The following VSX2 variants were observed in gnomAD, a reference collection of about 807,000 sequenced individuals.
VSX2 encodes ceh-10 homeo domain containing homolog.
VSX2 carries 28 observed loss-of-function variants against 32.1 expected under a neutral mutation model. That is an observed-to-expected ratio of 0.87 (90% confidence interval 0.65 to 1.20). The LOEUF (loss-of-function observed/expected upper bound fraction) is 1.20. Among genes scored for constraint, VSX2 ranks in the 50% most tolerant of loss-of-function variants. The probability of loss-of-function intolerance (pLI) is 0.00; values close to 1 mark genes in which losing one functional copy is unlikely to be tolerated. For missense variants in VSX2, 506 were observed against 488.7 expected, an observed-to-expected ratio of 1.04 and a Z score of -0.33; for synonymous variants, 243 against 214.1, an observed-to-expected ratio of 1.14 and a Z score of -1.18.
rs182972044 is a variant in VSX2 at position 74,245,288 on chromosome 14, G to A, written c.579G>A (p.Gln193=). Reference sequence around the variant, plus strand: ...CGGAGCTGCCGGAAGACAGGATACAGGTAACAGCCCTGAGCCCCTCTCCCC... The same window carrying A: ...CGGAGCTGCCGGAAGACAGGATACAAGTAACAGCCCTGAGCCCCTCTCCCC... ...MKTELPEDRI[Q]VWFQNRRAKW... is the part of the protein sequence containing the mutation. The change falls in exon 3 of 5, where the codon CAG becomes CAA. Residue 193 remains glutamine, a splice_region_variant and synonymous_variant. Coordinates refer to ENST00000261980, the MANE Select transcript of VSX2 (RefSeq NM_182894.3). 2.9e-4 allele frequency: 469 copies of A among 1,613,470 alleles called. 2 individuals carry two copies. In the East Asian group the frequency reaches 9.5e-3, roughly 33 times the overall value.
intron 3 of VSX2, among the ~76,000 whole-genome samples, chr14:74,257,656 C>T (rs1237504183): frequency 2.0e-5 from 3 of 151,660 alleles, no homozygotes; most frequent in African/African-American, 7.3e-5. Flanking sequence ...CGCCGCCGGG[C>T]GCTCACTTCG....
rs1289509531 is a variant in VSX2 at position 74,239,667 on chromosome 14, G to C, written c.106G>C (p.Glu36Gln). 1.9e-6 allele frequency: 3 copies of C among 1,550,484 alleles called. No homozygotes were observed. Among genetic ancestry groups the C allele is most frequent in the Non-Finnish European group, 2.6e-6 (3 of 1,146,934 alleles). Residue 36 changes from glutamate (E) to glutamine (Q), a missense_variant, in exon 1 of 5, where the codon GAG (glutamate) becomes CAG (glutamine). By Grantham distance (29) the Glu-to-Gln change is conservative (BLOSUM62 2). Transcript: ENST00000261980. ...CAGGTGCACTGGGTTCGGCATCCAGGAGATCCTGGGCTTGAACAAGGAGCC... is the reference window on the plus strand; with the variant it reads ...CAGGTGCACTGGGTTCGGCATCCAGCAGATCCTGGGCTTGAACAAGGAGCC... Reference protein sequence around the residue: ...PARCTGFGIQEILGLNKEPPS... With the variant: ...PARCTGFGIQQILGLNKEPPS...
chr14:74,249,959 T>C (rs1366167178), intron 3 of VSX2, among the ~76,000 whole-genome samples: 1 of 151,978 alleles, frequency 6.6e-6, no homozygotes, highest in Non-Finnish European at 1.5e-5. Flanking sequence ...CTTAAATAAA[T>C]AAATAAATAA....
At position 74,244,965 on chromosome 14, in the gene VSX2, T is replaced by C. The variant is rs1362878801; in HGVS notation, c.456-200T>C. 2.9e-5 allele frequency among the ~76,000 whole-genome samples: 3 copies of C among 102,150 alleles called. 1 individual carries two copies. The highest frequency in any genetic ancestry group is 5.9e-5 in the Non-Finnish European group (3 of 50,618). 67.0% of individuals were successfully genotyped at this position (102,150 alleles called of 152,430 possible). ...GAGAAAGTGTGTGTGTGTGTGTGTG[T>C]GTGTGTGTGTGTGTGTGAGAGAGAG... On this transcript the variant is annotated intron_variant, in intron 2 of 4. Coordinates refer to ENST00000261980, the MANE Select transcript of VSX2 (RefSeq NM_182894.3).
chr14:74,250,983 G>A (rs746497954), intron 3 of VSX2, among the ~76,000 whole-genome samples: 4 of 150,466 alleles, frequency 2.7e-5, no homozygotes, highest in Admixed American at 2.7e-4. Flanking sequence ...GCGCTCCCCC[G>A]GCCAACACCC....
intron 4 of VSX2, 105 bp from the exon 5 acceptor site, chr14:74,260,489 T>C: frequency 8.4e-7 from 1 of 1,192,672 alleles, no homozygotes; most frequent in Non-Finnish European, 1.2e-6. Flanking sequence ...GAGTAAGGCT[T>C]TCTGCTCGTC....
rs777692785 is a variant in VSX2, at chr14:74,239,707, C to G, written c.146C>G (p.Pro49Arg). 1.1e-4 allele frequency: 173 copies of G among 1,549,520 alleles called. No homozygotes were observed. The highest frequency in any genetic ancestry group is 1.4e-4 in the Non-Finnish European group (162 of 1,146,782). Reference protein sequence around the residue: ...GLNKEPPSSHPRAALDGLAPG... With the variant: ...GLNKEPPSSHRRAALDGLAPG... ...AACAAGGAGCCCCCGAGCTCCCACC[C>G]GCGGGCAGCGCTCGACGGCCTGGCC... The change falls in exon 1 of 5, where the codon CCG (proline) becomes CGG (arginine). Residue 49 changes from proline to arginine, a missense_variant. Transcript: ENST00000261980.
chr14:74,249,348 G>A (rs981304414), intron 3 of VSX2, among the ~76,000 whole-genome samples: 1 of 151,630 alleles, frequency 6.6e-6, no homozygotes, highest in Non-Finnish European at 1.5e-5. Context: ...TCGGCTCACC[G>A]AAGCCTCTGC....
At chr14:74,257,006 T>G (rs1337552032) in intron 3 of VSX2, among the ~76,000 whole-genome samples, 1 of 152,194 alleles carries the variant, frequency 6.6e-6, no homozygotes, top group Non-Finnish European at 1.5e-5. Context: ...TTAGTCCTTT[T>G]GGATTTTTCC....
chr14:74,244,311 C>T (rs2079169878), intron 2 of VSX2, among the ~76,000 whole-genome samples: 1 of 152,036 alleles, frequency 6.6e-6, no homozygotes, highest in East Asian at 1.9e-4. Context: ...GAATGGAACC[C>T]CCTGCAGGTG....
chr14:74,256,866 G>A (rs2079266830), intron 3 of VSX2, among the ~76,000 whole-genome samples: 1 of 151,810 alleles, frequency 6.6e-6, no homozygotes. Context: ...TAGAGATGGA[G>A]TTTCCCCATG....
rs370613318 is a variant in VSX2, at chr14:74,250,404, G to C, written c.579+5116G>C. 3.9e-5 allele frequency among the ~76,000 whole-genome samples: 6 copies of C among 152,100 alleles called. No homozygotes were observed. In the East Asian group the frequency reaches 7.7e-4, roughly 20 times the overall value. ...GGGCAGGCTACATATATATTCATGT[G>C]TTTATTTTTTTTTCTAAGATGTGCT... On this transcript the variant is annotated intron_variant, in intron 3 of 4. Coordinates refer to ENST00000261980, the MANE Select transcript of VSX2 (RefSeq NM_182894.3).
At chr14:74,255,544 C>T (rs2079257725) in intron 3 of VSX2, among the ~76,000 whole-genome samples, 1 of 152,162 alleles carries the variant, frequency 6.6e-6, no homozygotes, top group African/African-American at 2.4e-5. Context: ...ACAGATCAGC[C>T]AGATATTCAT....
Position 74,251,231 on chromosome 14 carries a change from C to T in VSX2, c.579+5943C>T, listed in dbSNP as rs143569101. ...TTGGGAGGCCAAGGTGGGCAGATCA[C>T]CTGAGTTCAGGAGTTCAAAACCAGC... On this transcript the variant is annotated intron_variant, in intron 3 of 4. Coordinates refer to ENST00000261980, the MANE Select transcript of VSX2 (RefSeq NM_182894.3). Among the ~76,000 whole-genome samples the T allele has an allele frequency of 3.4e-3, 516 of 152,196 alleles. 13 individuals are homozygous for T. In the East Asian group the frequency reaches 0.054, roughly 16 times the overall value.
At chr14:74,241,415 G>T in intron 2 of VSX2, 149 bp downstream of exon 2, 2 of 901,702 alleles carry the variant, frequency 2.2e-6, no homozygotes, top group Non-Finnish European at 1.7e-6. Flanking sequence ...GTTGTTTGGC[G>T]GAATCTGCCC....
At position 74,244,815 on chromosome 14, in the gene VSX2, T is replaced by C. The variant is rs143911699; in HGVS notation, c.456-350T>C. ...CACCCCCCAAACACAGGAAGGGTAG[T>C]GTGAGCCCTCAGCCTTGAGGAAGAA... On this transcript the variant is annotated intron_variant, in intron 2 of 4. Coordinates refer to ENST00000261980, the MANE Select transcript of VSX2 (RefSeq NM_182894.3). Among the ~76,000 whole-genome samples, 427 of 151,308 alleles carry C rather than the reference T, an allele frequency of 2.8e-3. 4 individuals are homozygous for C. The highest frequency in any genetic ancestry group is 9.8e-3 in the African/African-American group (403 of 41,120).
intron 1 of VSX2, 140 bp from the exon 2 acceptor site, chr14:74,241,042 G>C: frequency 1.2e-6 from 1 of 813,074 alleles, no homozygotes; most frequent in South Asian, 1.4e-5. Flanking sequence ...GACGGCCACC[G>C]GGGCGCCCGC....
At chr14:74,256,494 T>C (rs2079263514) in intron 3 of VSX2, among the ~76,000 whole-genome samples, 1 of 152,040 alleles carries the variant, frequency 6.6e-6, no homozygotes, top group African/African-American at 2.4e-5. Flanking sequence ...CCTAATATAA[T>C]GCACTGTATT....
At chr14:74,247,497 A>G (rs1436001377) in intron 3 of VSX2, among the ~76,000 whole-genome samples, 1 of 152,096 alleles carries the variant, frequency 6.6e-6, no homozygotes, top group Admixed American at 6.5e-5. Flanking sequence ...CCCCCAGCTC[A>G]CTCGGTGTCA....
Sources: allele counts gnomAD v4.1 joint callset (sites outside exome capture counted in the v4.1 genomes callset), GRCh38; gene constraint gnomAD v4.1.1; transcripts MANE v1.5; gene names NCBI Gene and HGNC (gene_info 2026-07-23, HGNC 2026-07-21).